The following CSMD1 variants were observed in gnomAD, a reference collection of about 807,000 sequenced individuals.
The protein encoded by CSMD1 is CUB and Sushi multiple domains 1, also known as CUB and sushi domain-containing protein 1.
In CSMD1, 213 loss-of-function variants were observed where a neutral mutation model predicts 417.5. The ratio of observed to expected loss-of-function variants is 0.51; its 90% CI spans 0.46 to 0.57. The LOEUF is 0.57. CSMD1 is among the 20% of genes least tolerant of loss of function. CSMD1 has a pLI of 0.00. For missense variants in CSMD1, 6,923 were observed against 4,529.7 expected (o/e 1.53, Z -15.17); for synonymous variants, 2,862 against 1,736.8 (o/e 1.65, Z -16.11).
At chr8:4,970,165 G>A (rs994106117) in intron 1 of CSMD1, among the ~76,000 whole-genome samples, 3 of 151,982 alleles carry the variant, frequency 2.0e-5, no homozygotes, top group African/African-American at 4.8e-5. Context: ...ATTATTGGAG[G>A]TACACAGTGT....
intron 30 of CSMD1, among the ~76,000 whole-genome samples, chr8:3,208,242 T>C (rs1220600503): frequency 6.6e-6 from 1 of 152,190 alleles, no homozygotes; most frequent in Non-Finnish European, 1.5e-5. Context: ...GCCAAAATTT[T>C]GATTCCCAAA....
intron 1 of CSMD1, among the ~76,000 whole-genome samples, chr8:4,757,961 A>G (rs935698582): frequency 1.7e-5 from 2 of 117,120 alleles, no homozygotes; most frequent in East Asian, 4.8e-4. Flanking sequence ...CTTTGTCTCA[A>G]AAAAAAAAAA....
At chr8:4,023,770 TTTTTTTTTTTTTTTG>T (rs1381222384) in intron 4 of CSMD1, among the ~76,000 whole-genome samples, 5 of 116,644 alleles carry the variant, frequency 4.3e-5, no homozygotes, top group Non-Finnish European at 7.2e-5. Flanking sequence ...TTTTTTTTTT[TTTTTTTTTTTTTTTG>T]TGTGTGTATT....
intron 3 of CSMD1, among the ~76,000 whole-genome samples, chr8:4,137,276 T>C (rs1330076027): frequency 1.3e-5 from 2 of 152,214 alleles, no homozygotes; most frequent in Admixed American, 6.5e-5. Context: ...TAAAGAAACA[T>C]GGTCTAATTT....
chr8:3,263,123 G>C (rs1378537154), intron 26 of CSMD1, among the ~76,000 whole-genome samples: 6 of 151,958 alleles, frequency 3.9e-5, no homozygotes, highest in Admixed American at 2.6e-4. Context: ...TTTTTTCAGA[G>C]AGTTTCACTT....
chr8:3,184,753 C>T (rs1821639883), intron 36 of CSMD1, among the ~76,000 whole-genome samples: 1 of 152,162 alleles, frequency 6.6e-6, no homozygotes, highest in South Asian at 2.1e-4. Context: ...GCTGGGAATT[C>T]CTTTCCTGCC....
At chr8:3,593,046 C>G (rs997095487) in intron 8 of CSMD1, among the ~76,000 whole-genome samples, 5 of 152,196 alleles carry the variant, frequency 3.3e-5, no homozygotes, top group African/African-American at 1.2e-4. Flanking sequence ...GCTGGAAGCC[C>G]TGGCTGGGGG....
At chr8:3,479,055 C>G (rs1376440788) in intron 11 of CSMD1, among the ~76,000 whole-genome samples, 1 of 152,068 alleles carries the variant, frequency 6.6e-6, no homozygotes, top group Non-Finnish European at 1.5e-5. Context: ...ATCCTTCTGC[C>G]CCCTCAGCCA....
intron 1 of CSMD1, among the ~76,000 whole-genome samples, chr8:4,739,659 A>G (rs1430817832): frequency 6.6e-6 from 1 of 152,314 alleles, no homozygotes. Flanking sequence ...ACAGGCGGAC[A>G]GTCCACACTT....
At chr8:4,942,756 G>A (rs1423819180) in intron 1 of CSMD1, among the ~76,000 whole-genome samples, 3 of 152,176 alleles carry the variant, frequency 2.0e-5, no homozygotes, top group African/African-American at 7.2e-5. Context: ...CAGACAGGGA[G>A]AAATGACATA....
At chr8:3,509,563 A>G (rs73658145) in intron 10 of CSMD1, among the ~76,000 whole-genome samples, 1,558 of 152,292 alleles carry the variant, frequency 0.01, 29 homozygotes, top group African/African-American at 0.036. Context: ...ATTCAATTCC[A>G]ATTTTCTATA....
chr8:4,198,079 G>A (rs778293211), intron 3 of CSMD1, among the ~76,000 whole-genome samples: 1 of 152,232 alleles, frequency 6.6e-6, no homozygotes, highest in Non-Finnish European at 1.5e-5. Context: ...CGCAAAGCGA[G>A]GGAAGTCTGG....
At chr8:4,048,260 C>T (rs904261557) in intron 3 of CSMD1, among the ~76,000 whole-genome samples, 14 of 152,228 alleles carry the variant, frequency 9.2e-5, no homozygotes, top group Admixed American at 3.3e-4. Flanking sequence ...AAAAGTGATA[C>T]CTACACATTT....
At chr8:4,291,980 G>C (rs573204207) in intron 3 of CSMD1, among the ~76,000 whole-genome samples, 2 of 152,266 alleles carry the variant, frequency 1.3e-5, no homozygotes, top group East Asian at 1.9e-4. Flanking sequence ...TCTTTCATCA[G>C]AGTTTGAGAC....
intron 4 of CSMD1, among the ~76,000 whole-genome samples, chr8:4,027,879 A>T (rs1797145142): frequency 6.6e-6 from 1 of 152,212 alleles, no homozygotes; most frequent in Admixed American, 6.5e-5. Context: ...GAGAACAAAG[A>T]CACAGTAACT....
chr8:3,824,086 T>C (rs1358585642), intron 5 of CSMD1, among the ~76,000 whole-genome samples: 1 of 152,162 alleles, frequency 6.6e-6, no homozygotes, highest in African/African-American at 2.4e-5. Flanking sequence ...AAAACAAAAA[T>C]GTCACAGTGA....
Position 2,935,653 on chromosome 8 carries a change from C to T in CSMD1, c.*2932G>A, listed in dbSNP as rs1184780444. 6.6e-6 allele frequency: 1 copy of T among 151,894 alleles called. No homozygotes were observed. Among genetic ancestry groups the T allele is most frequent in the African/African-American group, 2.4e-5 (1 of 41,382 alleles). 9.4% of individuals were successfully genotyped at this position (151,894 alleles called of 1,614,324 possible). On this transcript the variant is annotated 3_prime_UTR_variant, in exon 70 of 70. Coordinates refer to ENST00000635120, the MANE Select transcript of CSMD1 (RefSeq NM_033225.6). Reference sequence around the variant, plus strand: ...AGCATATTTAATAATTTTACAAATTCTTCATAAAAAATATATCTCTGTACA... The same window carrying T: ...AGCATATTTAATAATTTTACAAATTTTTCATAAAAAATATATCTCTGTACA...
chr8:3,370,007 G>A (rs1272729631), intron 18 of CSMD1, among the ~76,000 whole-genome samples: 1 of 152,202 alleles, frequency 6.6e-6, no homozygotes, highest in African/African-American at 2.4e-5. Flanking sequence ...TGTTTGCAAT[G>A]ATTGCCATTG....
intron 16 of CSMD1, among the ~76,000 whole-genome samples, chr8:3,397,056 T>C (rs1811747640): frequency 6.6e-6 from 1 of 152,056 alleles, no homozygotes; most frequent in Non-Finnish European, 1.5e-5. Flanking sequence ...TAGCCTGAGA[T>C]TTTATATATA....
Sources: gnomAD v4.1 joint callset for allele counts (sites outside exome capture counted in the v4.1 genomes callset) on GRCh38, gnomAD v4.1.1 for gene constraint, MANE v1.5 for transcripts, NCBI Gene and HGNC (gene_info 2026-07-23, HGNC 2026-07-21) for gene names.